The following DHX16 variants were observed in gnomAD, a reference collection of about 807,000 sequenced individuals.
The protein encoded by DHX16 is pre-mRNA-splicing factor ATP-dependent RNA helicase DHX16.
DHX16 carries 81 observed loss-of-function variants against 131.2 expected under a neutral mutation model. That is an observed-to-expected ratio of 0.62 (90% CI 0.52 to 0.74). DHX16 has a LOEUF of 0.74. DHX16 is among the 30% of genes least tolerant of loss of function. DHX16 has a pLI of 0.00. For missense variants in DHX16, 980 were observed against 1,363.1 expected, an observed-to-expected ratio of 0.72 and a Z score of 4.43; for synonymous variants, 440 against 520.2, an observed-to-expected ratio of 0.85 and a Z score of 2.10.
At chr6:30,658,719 AAAAT>A (rs1320381547) in intron 12 of DHX16, among the ~76,000 whole-genome samples, 3 of 151,902 alleles carry the variant, frequency 2.0e-5, no homozygotes, top group South Asian at 4.2e-4. Context: ...TCAAAAAAGA[AAAAT>A]AAATAAAGTC....
At chr6:30,664,732 G>A in intron 7 of DHX16, 69 bp downstream of exon 7, 1 of 1,383,174 alleles carries the variant, frequency 7.2e-7, no homozygotes, top group Non-Finnish European at 1.0e-6. Flanking sequence ...TAATGTAAAA[G>A]GAGCTCTGAC....
intron 12 of DHX16, among the ~76,000 whole-genome samples, chr6:30,657,853 CCA>C (rs1025504141): frequency 3.5e-4 from 53 of 152,308 alleles, no homozygotes; most frequent in African/African-American, 1.2e-3. Flanking sequence ...CACTCCCACC[CCA>C]CAGAGTCAAG....
In DHX16 at chr6:30,653,260, T is replaced by C; in HGVS notation, c.3108A>G (p.Thr1036=). Residue 1036 remains threonine (T), a synonymous_variant, in exon 20 of 20, where the codon ACA becomes ACG. Coordinates refer to ENST00000376442, the MANE Select transcript of DHX16 (RefSeq NM_003587.5). Reference sequence around the variant, plus strand: ...CCTTCTCTTACCCTAGCTCTTCTCGTGTTTTGCCTATTTTTTTGGGCATTT... The same window carrying C: ...CCTTCTCTTACCCTAGCTCTTCTCGCGTTTTGCCTATTTTTTTGGGCATTT... ...AKKMPKKIGK[T]REELG The C allele has an allele frequency of 3.7e-6, 6 of 1,612,974 alleles. No homozygotes were observed. Among genetic ancestry groups the C allele is most frequent in the Non-Finnish European group, 5.1e-6 (6 of 1,180,012 alleles).
At chr6:30,661,811 G>T in intron 9 of DHX16, 1 of 717,852 alleles carries the variant, frequency 1.4e-6, no homozygotes, top group East Asian at 2.7e-5. Context: ...GGCTCGATGG[G>T]CAAAAACATC....
chr6:30,661,456 G>A (rs1768511584), intron 9 of DHX16, among the ~76,000 whole-genome samples: 1 of 152,172 alleles, frequency 6.6e-6, no homozygotes, highest in Non-Finnish European at 1.5e-5. Context: ...AGGCTGACTG[G>A]GGGTAATAGA....
chr6:30,659,714 C>G (rs553719065), intron 11 of DHX16, 22 bp downstream of exon 11: 1 of 1,613,380 alleles, frequency 6.2e-7, no homozygotes, highest in African/African-American at 1.3e-5. Flanking sequence ...ACATCATCCC[C>G]TCTCCCCACC....
In DHX16 at chr6:30,653,131, G is replaced by C. The variant is rs1767609320; in HGVS notation, c.*111C>G. On this transcript the variant is annotated 3_prime_UTR_variant, in exon 20 of 20. Coordinates refer to ENST00000376442, the MANE Select transcript of DHX16 (RefSeq NM_003587.5). ...AGAATTTCACATATCACTTTCTCTA[G>C]ATCCCAAATGTTCCCACAAGCTTTA... 1.5e-6 allele frequency: 2 copies of C among 1,342,476 alleles called. No individual in the cohort carries two copies. The highest frequency in any genetic ancestry group is 1.5e-5 in the African/African-American group (1 of 67,050). 83.2% of individuals were successfully genotyped at this position (1,342,476 alleles called of 1,614,324 possible).
At chr6:30,664,378 G>A (rs1768805194) in intron 7 of DHX16, among the ~76,000 whole-genome samples, 1 of 150,926 alleles carries the variant, frequency 6.6e-6, no homozygotes, top group South Asian at 2.1e-4. Flanking sequence ...TCTGAAGGCT[G>A]ACGCAGGAGA....
Position 30,655,432 on chromosome 6 carries a change from G to C in DHX16, c.2661+3C>G, listed in dbSNP as rs753652058. ...TCATTCCCACTCACCCAAGCCCAGT[G>C]ACCTGTGTGTAAACATTTAGCAGAA... On this transcript the variant is annotated splice_donor_region_variant and intron_variant, in intron 17 of 19. Coordinates refer to ENST00000376442, the MANE Select transcript of DHX16 (RefSeq NM_003587.5). 2 of 1,613,964 alleles carry C rather than the reference G, an allele frequency of 1.2e-6. No homozygotes were observed. The highest frequency in any genetic ancestry group is 1.7e-6 in the Non-Finnish European group (2 of 1,180,032).
chr6:30,655,149 A>G (rs1767854817), intron 18 of DHX16, 26 bp downstream of exon 18: 1 of 1,613,828 alleles, frequency 6.2e-7, no homozygotes, highest in South Asian at 1.1e-5. Flanking sequence ...TGGGGGTGGA[A>G]AGCAGGAGGC....
intron 19 of DHX16, 131 bp from the exon 20 acceptor site, chr6:30,653,501 G>A (rs181681183): frequency 1.5e-4 from 154 of 1,004,114 alleles, no homozygotes; most frequent in Non-Finnish European, 4.9e-5. Context: ...GGCGTATCAT[G>A]GCTCAAAGCA....
chr6:30,660,837 G>A (rs994295883), intron 9 of DHX16, among the ~76,000 whole-genome samples: 7 of 151,664 alleles, frequency 4.6e-5, no homozygotes, highest in East Asian at 2.0e-4. Context: ...AGCCAAGATC[G>A]TGCCACTGCA....
At chr6:30,664,380 C>T (rs913251174) in intron 7 of DHX16, among the ~76,000 whole-genome samples, 1 of 149,856 alleles carries the variant, frequency 6.7e-6, no homozygotes, top group Non-Finnish European at 1.5e-5. Flanking sequence ...TGAAGGCTGA[C>T]GCAGGAGAAT....
chr6:30,668,997 C>T (rs1769287791), intron 4 of DHX16, among the ~76,000 whole-genome samples: 1 of 151,946 alleles, frequency 6.6e-6, no homozygotes, highest in Admixed American at 6.6e-5. Flanking sequence ...CCCAGCTACT[C>T]TGGAGGCTGA....
chr6:30,662,779 G>A lies in DHX16; in HGVS notation c.1429-37C>T. 6.3e-7 allele frequency: 1 copy of A among 1,593,264 alleles called. No individual in the cohort carries two copies. The highest frequency in any genetic ancestry group is 8.6e-7 in the Non-Finnish European group (1 of 1,163,366). On this transcript the variant is annotated intron_variant, in intron 8 of 19. Transcript: ENST00000376442. This position sits in a 1 kb window ranked among gnomAD's most constrained non-coding sequence, Gnocchi z 4.7. ...AACCATTAGCAACCAAGTGTGGGCT[G>A]GTGTGCCCTGAAAGGAACTTGGGGA...
At chr6:30,653,627 C>CAAAGTGCTAGGATCCTGCCTTGGCCTCCT (rs1767669957) in intron 19 of DHX16, among the ~76,000 whole-genome samples, 4 of 152,202 alleles carry the variant, frequency 2.6e-5, no homozygotes, top group Non-Finnish European at 5.9e-5. Flanking sequence ...CTTGGCCTCC[C>CAAAGTGCTAGGATCCTGCCTTGGCCTCCT]AAAGTGCTGG....
In DHX16 at chr6:30,662,601, A is replaced by C; in HGVS notation, c.1544+26T>G. The C allele has an allele frequency of 3.8e-6, 6 of 1,576,526 alleles. No individual in the cohort carries two copies. The highest frequency in any genetic ancestry group is 4.4e-6 in the Non-Finnish European group (5 of 1,147,264). The stretch of plus-strand genomic sequence containing the variant: ...TGAATTGGCTGGGTGGGAAGAAGGG[A>C]GAGAAAGGCCAGAGATTAGAGATAC... On this transcript the variant is annotated intron_variant, in intron 9 of 19. Coordinates refer to ENST00000376442, the MANE Select transcript of DHX16 (RefSeq NM_003587.5). The surrounding 1 kb of genome is among the most constrained non-coding windows in gnomAD (Gnocchi z 4.7).
intron 9 of DHX16, 181 bp from the exon 10 acceptor site, chr6:30,660,423 A>C (rs933007196): frequency 4.2e-6 from 2 of 480,824 alleles, no homozygotes; most frequent in Non-Finnish European, 7.1e-6. Flanking sequence ...AAGTCAGAGA[A>C]GGCCAGGGCC....
chr6:30,669,177 A>G (rs1391174873), intron 4 of DHX16, among the ~76,000 whole-genome samples: 1 of 152,174 alleles, frequency 6.6e-6, no homozygotes, highest in Non-Finnish European at 1.5e-5. Context: ...TAATCCCAAC[A>G]CTTTGGGAGG....
Sources: allele counts gnomAD v4.1 joint callset (sites outside exome capture counted in the v4.1 genomes callset), GRCh38; gene constraint gnomAD v4.1.1; non-coding constraint Gnocchi (gnomAD v3.1); transcripts MANE v1.5; gene names NCBI Gene and HGNC (gene_info 2026-07-23, HGNC 2026-07-21).